Variants in VGLL4 observed in about 807,000 individuals in gnomAD.
VGLL4 encodes vestigial like family member 4.
VGLL4 carries 7 observed loss-of-function variants against 21.0 expected under a neutral mutation model. The observed-to-expected ratio is 0.33, with a 90% CI of 0.19 to 0.63. The LOEUF is 0.63. Ranked by LOEUF, VGLL4 falls within the 20% of genes least tolerant of loss-of-function variation. The probability of loss-of-function intolerance (pLI) is 0.78; values close to 1 mark genes in which losing one functional copy is unlikely to be tolerated. For missense variants in VGLL4, 394 were observed against 425.7 expected, an observed-to-expected ratio of 0.93 and a Z score of 0.66; for synonymous variants, 222 against 173.2, an observed-to-expected ratio of 1.28 and a Z score of -2.21.
At chr3:11,661,571 A>G (rs2076039818) in intron 2 of VGLL4, among the ~76,000 whole-genome samples, 1 of 151,814 alleles carries the variant, frequency 6.6e-6, no homozygotes, top group African/African-American at 2.4e-5. Context: ...CCTGGGTTCA[A>G]GCGATTCTCC....
At chr3:11,674,030 A>G (rs866304111) in intron 2 of VGLL4, among the ~76,000 whole-genome samples, 7 of 150,862 alleles carry the variant, frequency 4.6e-5, no homozygotes, top group African/African-American at 1.5e-4. Flanking sequence ...AAAAAAAAAA[A>G]AAAAAAAGAA....
chr3:11,718,310 C>T (rs577805897), intron 1 of VGLL4, among the ~76,000 whole-genome samples: 30 of 152,150 alleles, frequency 2.0e-4, no homozygotes, highest in Non-Finnish European at 4.0e-4. Flanking sequence ...AGACAAGAAA[C>T]TTCTGAATCA....
chr3:11,691,487 T>C (rs1331550335), intron 2 of VGLL4, among the ~76,000 whole-genome samples: 1 of 152,180 alleles, frequency 6.6e-6, no homozygotes, highest in Non-Finnish European at 1.5e-5. Context: ...GCATTTGCCA[T>C]GGTGTAAATA....
chr3:11,713,030 G>A (rs945419913), intron 1 of VGLL4, among the ~76,000 whole-genome samples: 5 of 152,094 alleles, frequency 3.3e-5, no homozygotes, highest in Admixed American at 2.0e-4. Context: ...AAGACATAGC[G>A]ATTTCTGGGG....
chr3:11,586,219 T>C (rs1269203856), intron 2 of VGLL4, among the ~76,000 whole-genome samples: 1 of 152,220 alleles, frequency 6.6e-6, no homozygotes, highest in Non-Finnish European at 1.5e-5. Context: ...GAAAGAAAGA[T>C]AAAGCAAATA....
At chr3:11,673,442 G>A (rs1019427685) in intron 2 of VGLL4, among the ~76,000 whole-genome samples, 4 of 151,444 alleles carry the variant, frequency 2.6e-5, no homozygotes, top group Non-Finnish European at 5.9e-5. Context: ...GGAAAGGGGG[G>A]GAAGTAGACT....
chr3:11,631,639 G>A (rs1030616266), intron 1 of VGLL4, among the ~76,000 whole-genome samples: 3 of 152,024 alleles, frequency 2.0e-5, no homozygotes, highest in Non-Finnish European at 4.4e-5. Flanking sequence ...TTGGGTTTGA[G>A]GTCTCCCAGT....
chr3:11,617,508 G>A (rs1032075125), intron 1 of VGLL4, among the ~76,000 whole-genome samples: 1 of 152,180 alleles, frequency 6.6e-6, no homozygotes, highest in Non-Finnish European at 1.5e-5. Context: ...AACAGGGCAG[G>A]GACGCAAGCG....
chr3:11,663,674 T>A (rs538209037), intron 2 of VGLL4, among the ~76,000 whole-genome samples: 5 of 152,210 alleles, frequency 3.3e-5, no homozygotes, highest in Admixed American at 2.0e-4. Flanking sequence ...GCCGAGATCA[T>A]GCCACTGCAC....
chr3:11,611,441 A>T (rs954892519), intron 1 of VGLL4, among the ~76,000 whole-genome samples: 3 of 152,160 alleles, frequency 2.0e-5, no homozygotes, highest in Non-Finnish European at 4.4e-5. Context: ...TGAGTCTTTG[A>T]TCTCAGACTT....
intron 2 of VGLL4, among the ~76,000 whole-genome samples, chr3:11,692,812 C>T (rs2076548593): frequency 6.6e-6 from 1 of 152,076 alleles, no homozygotes; most frequent in African/African-American, 2.4e-5. Context: ...AATTTTTATT[C>T]TCTTAATTTT....
chr3:11,713,224 CACA>C (rs2076872930), intron 1 of VGLL4, among the ~76,000 whole-genome samples: 1 of 152,176 alleles, frequency 6.6e-6, no homozygotes, highest in African/African-American at 2.4e-5. Flanking sequence ...TCGAACTGCT[CACA>C]ACCTTAAATT....
intron 2 of VGLL4, among the ~76,000 whole-genome samples, chr3:11,589,472 C>T (rs2074434685): frequency 6.6e-6 from 1 of 152,120 alleles, no homozygotes; most frequent in African/African-American, 2.4e-5. Flanking sequence ...AGCACCAGAG[C>T]CTTGCAAGTC....
intron 1 of VGLL4, chr3:11,604,629 T>C (rs1176043483): frequency 1.3e-5 from 10 of 750,866 alleles, no homozygotes; most frequent in Non-Finnish European, 1.6e-5. Flanking sequence ...ATAAGACACT[T>C]GCATTGCAAT....
At position 11,568,488 on chromosome 3, in the gene VGLL4, G is replaced by T; in HGVS notation, c.273-3469C>A. Reference sequence around the variant, plus strand: ...GACTTCCAGGCCCACTAACTGGAAAGACAGTCCGTGGAACACAGCACAGTG... The same window carrying T: ...GACTTCCAGGCCCACTAACTGGAAATACAGTCCGTGGAACACAGCACAGTG... On this transcript the variant is annotated intron_variant, in intron 2 of 4. Transcript: ENST00000430365. The surrounding 1 kb of genome is among the most constrained non-coding windows in gnomAD (Gnocchi z 5.9). The T allele has an allele frequency of 4.3e-6, 6 of 1,400,002 alleles. No individual in the cohort carries two copies. Among genetic ancestry groups the T allele is most frequent in the Non-Finnish European group, 5.9e-6 (6 of 1,015,240 alleles). The allele number at this position is 1,400,002 out of a possible 1,614,324, so 86.7% of individuals were successfully genotyped here.
chr3:11,681,348 C>T (rs1252747397), intron 2 of VGLL4, among the ~76,000 whole-genome samples: 3 of 152,216 alleles, frequency 2.0e-5, no homozygotes, highest in Non-Finnish European at 2.9e-5. Flanking sequence ...CCACCTGCCC[C>T]AGCCTCCCAA....
intron 2 of VGLL4, among the ~76,000 whole-genome samples, chr3:11,664,468 G>A (rs9869682): frequency 0.018 from 2,725 of 152,264 alleles, 88 homozygotes; most frequent in African/African-American, 0.063. Flanking sequence ...CAGCATGCTC[G>A]TCTGTAAAAT....
At chr3:11,715,620 C>G (rs2076909392) in intron 1 of VGLL4, among the ~76,000 whole-genome samples, 1 of 152,106 alleles carries the variant, frequency 6.6e-6, no homozygotes, top group African/African-American at 2.4e-5. Context: ...AGGTGTGAGC[C>G]ACCGGGCCCG....
At chr3:11,669,605 AC>A (rs2076174967) in intron 2 of VGLL4, among the ~76,000 whole-genome samples, 1 of 152,234 alleles carries the variant, frequency 6.6e-6, no homozygotes, top group Non-Finnish European at 1.5e-5. Context: ...ACTGAAGGCA[AC>A]TCCAAAAATG....
Sources: gnomAD v4.1 joint callset for allele counts (sites outside exome capture counted in the v4.1 genomes callset) on GRCh38, gnomAD v4.1.1 for gene constraint, Gnocchi (gnomAD v3.1) non-coding constraint, MANE v1.5 for transcripts, NCBI Gene and HGNC (gene_info 2026-07-23, HGNC 2026-07-21) for gene names.